Variants in MIR2052HG observed in about 807,000 individuals in gnomAD.
MIR2052HG encodes MIR2052 host gene.
chr8:74,675,698 G>T lies in MIR2052HG; in HGVS notation n.217-26681G>T, dbSNP rs928805835. On this transcript the variant is annotated intron_variant and non_coding_transcript_variant, in intron 2 of 6. Transcript: ENST00000523442. The stretch of plus-strand genomic sequence containing the variant: ...GTTAAGGTATCTGAATAAAAATAAG[G>T]ATCCAGGCATATAAAATACCATAGA... 6.6e-5 allele frequency among the ~76,000 whole-genome samples: 10 copies of T among 151,836 alleles called. No homozygotes were observed. In the South Asian group the frequency reaches 8.3e-4, roughly 13 times the overall value.
chr8:74,600,497 G>A (rs1282334307), intron 1 of MIR2052HG, among the ~76,000 whole-genome samples: 1 of 150,884 alleles, frequency 6.6e-6, no homozygotes, highest in Non-Finnish European at 1.5e-5. Flanking sequence ...CAGGAGAATG[G>A]CATGAACCGG....
chr8:74,673,572 A>G (rs1400789371), intron 2 of MIR2052HG, among the ~76,000 whole-genome samples: 1 of 151,956 alleles, frequency 6.6e-6, no homozygotes, highest in Non-Finnish European at 1.5e-5. Context: ...CTTGTGTTAC[A>G]CTTTGTATCT....
At chr8:74,685,612 G>A (rs922938862) in intron 2 of MIR2052HG, among the ~76,000 whole-genome samples, 1 of 152,048 alleles carries the variant, frequency 6.6e-6, no homozygotes, top group Non-Finnish European at 1.5e-5. Context: ...TTTCCGTCCA[G>A]TGTGAAAAAC....
At chr8:74,639,975 C>T (rs957562700) in intron 2 of MIR2052HG, among the ~76,000 whole-genome samples, 6 of 152,164 alleles carry the variant, frequency 3.9e-5, no homozygotes, top group South Asian at 2.1e-4. Flanking sequence ...GTGGTACTTA[C>T]GTGGGTTTTG....
At chr8:74,755,825 A>G (rs1464257696) in intron 5 of MIR2052HG, among the ~76,000 whole-genome samples, 2 of 152,202 alleles carry the variant, frequency 1.3e-5, no homozygotes, top group South Asian at 4.1e-4. Context: ...GAGTGGTGTC[A>G]TGAGGTAATT....
At chr8:74,730,582 G>T (rs187640973) in intron 4 of MIR2052HG, among the ~76,000 whole-genome samples, 19 of 152,222 alleles carry the variant, frequency 1.2e-4, no homozygotes, top group African/African-American at 3.6e-4. Flanking sequence ...TGTAAGATAA[G>T]CAAAAAGTTA....
At chr8:74,750,060 C>T (rs1245093741) in intron 4 of MIR2052HG, among the ~76,000 whole-genome samples, 3 of 152,130 alleles carry the variant, frequency 2.0e-5, no homozygotes, top group Non-Finnish European at 2.9e-5. Context: ...TGACATTTTA[C>T]TTTGCTGAAA....
chr8:74,632,736 C>G (rs959285861), intron 2 of MIR2052HG, among the ~76,000 whole-genome samples: 4 of 152,138 alleles, frequency 2.6e-5, no homozygotes, highest in African/African-American at 9.7e-5. Context: ...CCCCATTTCC[C>G]TGGGTGAGAT....
intron 2 of MIR2052HG, among the ~76,000 whole-genome samples, chr8:74,650,784 C>G (rs1808743556): frequency 6.6e-6 from 1 of 152,124 alleles, no homozygotes; most frequent in African/African-American, 2.4e-5. Context: ...GAAAATATTT[C>G]TCTACTAAAA....
At chr8:74,638,734 A>G (rs1808608533) in intron 2 of MIR2052HG, among the ~76,000 whole-genome samples, 1 of 152,214 alleles carries the variant, frequency 6.6e-6, no homozygotes, top group South Asian at 2.1e-4. Context: ...CACGTGCTTG[A>G]TGGTCTCTTG....
chr8:74,613,795 T>C (rs1272088433), intron 2 of MIR2052HG, among the ~76,000 whole-genome samples: 2 of 152,206 alleles, frequency 1.3e-5, no homozygotes, highest in Non-Finnish European at 2.9e-5. Flanking sequence ...CCTGCAGGGA[T>C]TCAATTTTTA....
chr8:74,641,006 T>A (rs544757361), intron 2 of MIR2052HG, among the ~76,000 whole-genome samples: 14 of 152,274 alleles, frequency 9.2e-5, no homozygotes, highest in Admixed American at 2.6e-4. Flanking sequence ...GTCACAGACA[T>A]TTTAGTGGCC....
At chr8:74,748,581 T>C (rs1170201572) in intron 4 of MIR2052HG, among the ~76,000 whole-genome samples, 1 of 152,210 alleles carries the variant, frequency 6.6e-6, no homozygotes, top group East Asian at 1.9e-4. Flanking sequence ...CTAAGAACCA[T>C]ATAACAAGGT....
chr8:74,659,217 G>A (rs551928277), intron 2 of MIR2052HG, among the ~76,000 whole-genome samples: 1 of 152,186 alleles, frequency 6.6e-6, no homozygotes, highest in East Asian at 1.9e-4. Flanking sequence ...AGACTCAACG[G>A]GCTTCTTGGA....
chr8:74,684,399 C>T (rs1263619426), intron 2 of MIR2052HG, among the ~76,000 whole-genome samples: 1 of 151,976 alleles, frequency 6.6e-6, no homozygotes, highest in Non-Finnish European at 1.5e-5. Flanking sequence ...TACTAACGTT[C>T]CGTTCGCTAA....
intron 2 of MIR2052HG, among the ~76,000 whole-genome samples, chr8:74,660,116 T>TA (rs1213876619): frequency 6.6e-6 from 1 of 152,192 alleles, no homozygotes; most frequent in Non-Finnish European, 1.5e-5. Context: ...GGGAAGCCAC[T>TA]AGAAATGGCT....
At chr8:74,644,707 A>G (rs1450696758) in intron 2 of MIR2052HG, among the ~76,000 whole-genome samples, 1 of 151,992 alleles carries the variant, frequency 6.6e-6, no homozygotes, top group Non-Finnish European at 1.5e-5. Flanking sequence ...CCTGGGAAAC[A>G]TGGCAAAACC....
intron 4 of MIR2052HG, among the ~76,000 whole-genome samples, chr8:74,745,951 C>G (rs748476502): frequency 1.3e-5 from 2 of 152,130 alleles, no homozygotes; most frequent in Non-Finnish European, 2.9e-5. Context: ...TAATATTATT[C>G]TCATCCTACA....
rs546780701 is a variant in MIR2052HG at position 74,609,655 on chromosome 8, AATTT to A, written n.129-3196_129-3193del. The stretch of plus-strand genomic sequence containing the variant: ...TGAGTTTAACATATAAAGATCAATC[AATTT>A]AATATGCCAGATTATTAGACTAAAA... On this transcript the variant is annotated intron_variant and non_coding_transcript_variant, in intron 1 of 6. Coordinates refer to ENST00000523442, the Ensembl canonical transcript of MIR2052HG. The A allele has an allele frequency of 1.6e-3, 249 of 151,306 alleles. 2 individuals carry two copies. The highest frequency in any genetic ancestry group is 5.5e-3 in the African/African-American group (228 of 41,468). 9.4% of individuals were successfully genotyped at this position (151,306 alleles called of 1,614,324 possible).
Sources: gnomAD v4.1 joint callset for allele counts (sites outside exome capture counted in the v4.1 genomes callset) on GRCh38, gnomAD v4.1.1 for gene constraint, MANE v1.5 for transcripts, NCBI Gene and HGNC (gene_info 2026-07-23, HGNC 2026-07-21) for gene names.